Variants in ADAM12 observed in about 807,000 individuals in gnomAD.
ADAM12 encodes the protein ADAM metallopeptidase domain 12.
In ADAM12, 70 loss-of-function variants were observed where a neutral mutation model predicts 106.4. The observed-to-expected ratio is 0.66, with a 90% confidence interval of 0.54 to 0.80. The LOEUF (loss-of-function observed/expected upper bound fraction) is 0.80. ADAM12 is among the 30% of genes least tolerant of loss of function. The pLI is 0.00. For synonymous variants in ADAM12, 420 were observed against 433.5 expected (o/e 0.97, Z 0.39); for missense variants, 1,010 against 1,171.9 (o/e 0.86, Z 2.02).
chr10:126,127,085 G>A (rs979730402), intron 5 of ADAM12, among the ~76,000 whole-genome samples: 4 of 152,186 alleles, frequency 2.6e-5, no homozygotes, highest in Non-Finnish European at 5.9e-5. Flanking sequence ...GCTGACTCGT[G>A]CACATGTCCA....
rs1954231096 is a variant in ADAM12, at chr10:126,043,420, A to C, written c.1996-272T>G. Among the ~76,000 whole-genome samples, 2 of 152,008 alleles carry C rather than the reference A, an allele frequency of 1.3e-5. No homozygotes were observed. Among genetic ancestry groups the C allele is most frequent in the African/African-American group, 4.8e-5 (2 of 41,402 alleles). On this transcript the variant is annotated intron_variant, in intron 17 of 22. Transcript: ENST00000448723. This position sits in a 1 kb window ranked among gnomAD's most constrained non-coding sequence, Gnocchi z 4.1. ...GTTCATCAGCTTGCCTCCCCCACCC[A>C]CCTCACTTCCTTCTCCATCTCCCCA... is the stretch of plus-strand genomic sequence containing the variant.
intron 1 of ADAM12, among the ~76,000 whole-genome samples, chr10:126,348,209 G>A (rs1453836501): frequency 2.6e-5 from 4 of 152,220 alleles, no homozygotes; most frequent in Admixed American, 2.6e-4. Context: ...GTTTTCTTAA[G>A]TTAGACTGCA....
chr10:126,215,186 C>G (rs1198322534), intron 3 of ADAM12, among the ~76,000 whole-genome samples: 2 of 152,208 alleles, frequency 1.3e-5, no homozygotes, highest in Admixed American at 6.5e-5. Context: ...TCCAAACCAG[C>G]TCTGCTCCTG....
chr10:126,335,228 G>GA (rs1854657601), intron 1 of ADAM12, among the ~76,000 whole-genome samples: 2 of 152,172 alleles, frequency 1.3e-5, no homozygotes, highest in South Asian at 4.1e-4. Flanking sequence ...GGGCCATTGA[G>GA]AAAATAAACT....
chr10:126,076,151 T>C (rs1955096738), intron 11 of ADAM12, among the ~76,000 whole-genome samples: 1 of 152,192 alleles, frequency 6.6e-6, no homozygotes, highest in South Asian at 2.1e-4. Flanking sequence ...CAATGTTTAG[T>C]GCCCACTTAT....
chr10:126,156,186 G>A (rs1228658128), intron 3 of ADAM12, among the ~76,000 whole-genome samples: 3 of 152,122 alleles, frequency 2.0e-5, no homozygotes, highest in Non-Finnish European at 4.4e-5. Flanking sequence ...AGCTGGTAGG[G>A]TGATGGTTGA....
intron 6 of ADAM12, among the ~76,000 whole-genome samples, chr10:126,115,269 T>C (rs964894779): frequency 1.3e-5 from 2 of 152,248 alleles, no homozygotes; most frequent in African/African-American, 4.8e-5. Context: ...GGATGTCTTA[T>C]GTGATTTTCT....
Position 126,066,806 on chromosome 10 carries a change from C to T in ADAM12, c.1324G>A (p.Glu442Lys), listed in dbSNP as rs757695726. The change falls in exon 13 of 23, where the codon GAA (glutamate) becomes AAA (lysine). Residue 442 changes from glutamate (E) to lysine (K), a missense_variant and splice_region_variant. Transcript: ENST00000448723. The surrounding 1 kb of genome is among the most constrained non-coding windows in gnomAD (Gnocchi z 5.1). ...GCATTGCAGCAGCGATTCATACATT[C>T]CTGGAAAGGGGAATGGCATTTGTTT... ...GEECDCGEPE[E>K]CMNRCCNATT... 6.2e-7 allele frequency: 1 copy of T among 1,613,702 alleles called. No homozygotes were observed.
intron 3 of ADAM12, among the ~76,000 whole-genome samples, chr10:126,255,999 A>C (rs994535805): frequency 6.6e-6 from 1 of 152,168 alleles, no homozygotes; most frequent in Non-Finnish European, 1.5e-5. Context: ...CCAAAGGAAT[A>C]TCTTCACTCG....
chr10:126,383,961 C>CA (rs528806813), intron 1 of ADAM12, among the ~76,000 whole-genome samples: 111 of 152,284 alleles, frequency 7.3e-4, no homozygotes, highest in Non-Finnish European at 9.1e-4. Flanking sequence ...ATATCTAAGA[C>CA]AAAATCTACT....
chr10:126,346,473 T>C (rs1240897273), intron 1 of ADAM12, among the ~76,000 whole-genome samples: 1 of 152,222 alleles, frequency 6.6e-6, no homozygotes, highest in Non-Finnish European at 1.5e-5. Context: ...AAGTGCGATG[T>C]GGTGCCAAGA....
intron 12 of ADAM12, chr10:126,067,049 C>G (rs2133485336): frequency 2.1e-6 from 1 of 480,176 alleles, no homozygotes; most frequent in Non-Finnish European, 3.8e-6. Flanking sequence ...AAAGGTAAAG[C>G]AGTTGTAACA....
intron 3 of ADAM12, among the ~76,000 whole-genome samples, chr10:126,233,956 ATTG>A (rs1958364795): frequency 1.3e-5 from 2 of 152,342 alleles, no homozygotes; most frequent in South Asian, 4.1e-4. Flanking sequence ...GCAATATATC[ATTG>A]TTATCTTTGC....
rs1037690182 is a variant in ADAM12 at position 126,146,369 on chromosome 10, A to G, written c.339+8858T>C. ...TTCAATCCATTCTCAATGATGTTTT[A>G]AGAAGAATATGATGATGAGCCTGGC... On this transcript the variant is annotated intron_variant, in intron 4 of 22. Coordinates refer to ENST00000448723, the MANE Select transcript of ADAM12 (RefSeq NM_001288973.2). Among the ~76,000 whole-genome samples the G allele has an allele frequency of 5.9e-5, 9 of 152,328 alleles. No homozygotes were observed. The East Asian group carries it at 1.7e-3, about 29-fold the overall frequency.
intron 1 of ADAM12, among the ~76,000 whole-genome samples, chr10:126,381,672 C>CT (rs1165389453): frequency 2.4e-4 from 36 of 150,590 alleles, no homozygotes; most frequent in Admixed American, 1.0e-3. Flanking sequence ...ATTTTTGTAT[C>CT]TTTTTTTTTA....
chr10:126,046,601 G>A (rs535339723), intron 16 of ADAM12, among the ~76,000 whole-genome samples: 2 of 151,546 alleles, frequency 1.3e-5, no homozygotes, highest in East Asian at 2.0e-4. Context: ...TCAGGAGATC[G>A]AGACTCTCCT....
chr10:126,317,306 T>C (rs989645490), intron 2 of ADAM12, among the ~76,000 whole-genome samples: 3 of 152,174 alleles, frequency 2.0e-5, no homozygotes, highest in African/African-American at 7.2e-5. Context: ...TCCACAACCC[T>C]GGATCTCAGT....
At chr10:126,272,031 G>T (rs1200314186) in intron 3 of ADAM12, among the ~76,000 whole-genome samples, 1 of 152,162 alleles carries the variant, frequency 6.6e-6, no homozygotes, top group African/African-American at 2.4e-5. Flanking sequence ...TGTGTGCACA[G>T]CTTAAGAGCT....
chr10:126,042,333 T>A (rs1954195656), intron 18 of ADAM12: 1 of 1,484,518 alleles, frequency 6.7e-7, no homozygotes, highest in African/African-American at 1.4e-5. Context: ...TTTCTAAAGG[T>A]CATCCGAGGA....
Sources: allele counts gnomAD v4.1 joint callset (sites outside exome capture counted in the v4.1 genomes callset), GRCh38; gene constraint gnomAD v4.1.1; non-coding constraint Gnocchi (gnomAD v3.1); transcripts MANE v1.5; gene names NCBI Gene and HGNC (gene_info 2026-07-23, HGNC 2026-07-21).